The following XYLT1 variants were observed in gnomAD, a reference collection of about 807,000 sequenced individuals.
XYLT1 encodes xylosyltransferase 1.
In XYLT1, 36 loss-of-function variants were observed where a neutral mutation model predicts 91.3. The ratio of observed to expected loss-of-function variants is 0.39; its 90% CI spans 0.30 to 0.52. The LOEUF (loss-of-function observed/expected upper bound fraction) is 0.52, where lower values mean the gene tolerates loss of function less well. Ranked by LOEUF, XYLT1 falls within the 20% of genes least tolerant of loss-of-function variation. The pLI is 0.68. For missense variants in XYLT1, 1,242 were observed against 1,284.5 expected (o/e 0.97, Z 0.51); for synonymous variants, 588 against 532.0 (o/e 1.11, Z -1.45).
intron 1 of XYLT1, among the ~76,000 whole-genome samples, chr16:17,397,825 CTCT>C (rs1347926659): frequency 2.2e-5 from 3 of 136,628 alleles, no homozygotes; most frequent in Admixed American, 7.3e-5. Flanking sequence ...GTTTGAATAG[CTCT>C]TTTTTTTTTT....
intron 1 of XYLT1, among the ~76,000 whole-genome samples, chr16:17,436,471 A>C (rs1450124127): frequency 4.1e-4 from 63 of 152,186 alleles, no homozygotes; most frequent in Non-Finnish European, 1.0e-4. Flanking sequence ...GCTGGCACAT[A>C]GTAGGGGCGT....
chr16:17,195,425 C>G (rs1195635939), intron 5 of XYLT1, among the ~76,000 whole-genome samples: 1 of 151,150 alleles, frequency 6.6e-6, no homozygotes, highest in Non-Finnish European at 1.5e-5. Flanking sequence ...CCACATCTTC[C>G]TTTTTTTTTG....
chr16:17,463,825 T>C (rs192854615), intron 1 of XYLT1, among the ~76,000 whole-genome samples: 2 of 152,354 alleles, frequency 1.3e-5, no homozygotes, highest in South Asian at 2.1e-4. Context: ...AGCCAAGATA[T>C]GAAATCAAGT....
At chr16:17,411,739 G>A (rs2036112018) in intron 1 of XYLT1, among the ~76,000 whole-genome samples, 1 of 152,148 alleles carries the variant, frequency 6.6e-6, no homozygotes, top group Admixed American at 6.5e-5. Context: ...CACCTTCATC[G>A]TGGGAGAATG....
At chr16:17,280,418 T>C (rs898250370) in intron 2 of XYLT1, among the ~76,000 whole-genome samples, 1 of 152,240 alleles carries the variant, frequency 6.6e-6, no homozygotes, top group Non-Finnish European at 1.5e-5. Context: ...TTGTCTTATT[T>C]TCTGAAACAT....
Position 17,175,901 on chromosome 16 carries a change from C to T in XYLT1, c.1290-16992G>A, listed in dbSNP as rs551564838. Among the ~76,000 whole-genome samples, 13 of 152,262 alleles carry T rather than the reference C, an allele frequency of 8.5e-5. No individual in the cohort carries two copies. In the East Asian group the frequency reaches 2.3e-3, roughly 27 times the overall value. On this transcript the variant is annotated intron_variant, in intron 5 of 11. Transcript: ENST00000261381. ...TCCTTTTGAAATAAACTCTCCAGCT[C>T]TTTGGAATGTTTTCTGTTTTCATGG... is the stretch of plus-strand genomic sequence containing the variant.
intron 3 of XYLT1, among the ~76,000 whole-genome samples, chr16:17,233,767 A>C (rs1245366344): frequency 2.0e-5 from 3 of 152,200 alleles, no homozygotes; most frequent in Non-Finnish European, 4.4e-5. Flanking sequence ...ACTATCGTGG[A>C]GCTAAGTGAG....
intron 10 of XYLT1, among the ~76,000 whole-genome samples, chr16:17,124,963 G>C (rs2030207091): frequency 6.6e-6 from 1 of 152,040 alleles, no homozygotes; most frequent in Non-Finnish European, 1.5e-5. Flanking sequence ...TTCTATTTAG[G>C]CTATATTTCA....
intron 1 of XYLT1, among the ~76,000 whole-genome samples, chr16:17,435,732 C>A (rs1030909089): frequency 6.6e-6 from 1 of 152,180 alleles, no homozygotes; most frequent in African/African-American, 2.4e-5. Flanking sequence ...AGACCTGGTG[C>A]CCTCTCTCCA....
intron 3 of XYLT1, among the ~76,000 whole-genome samples, chr16:17,217,957 T>TAA (rs10712419): frequency 1.4e-5 from 2 of 145,028 alleles, no homozygotes; most frequent in African/African-American, 5.1e-5. Flanking sequence ...ATAATAATAA[T>TAA]AAAAAAAAAA....
intron 5 of XYLT1, among the ~76,000 whole-genome samples, chr16:17,161,673 G>GCTCTCTCTCT (rs1321773095): frequency 2.2e-5 from 2 of 90,978 alleles, no homozygotes; most frequent in Non-Finnish European, 2.7e-5. Flanking sequence ...CCAGTTTCTC[G>GCTCTCTCTCT]CGCGCTCTCT....
At chr16:17,123,317 C>T (rs965049731) in intron 10 of XYLT1, among the ~76,000 whole-genome samples, 2 of 152,142 alleles carry the variant, frequency 1.3e-5, no homozygotes, top group African/African-American at 2.4e-5. Flanking sequence ...TCTTGTTTCT[C>T]TAGCTCATTA....
intron 3 of XYLT1, among the ~76,000 whole-genome samples, chr16:17,232,989 C>A (rs939879366): frequency 6.6e-5 from 10 of 152,134 alleles, no homozygotes; most frequent in African/African-American, 1.9e-4. Flanking sequence ...AATGCCTCCA[C>A]CATATCACTC....
intron 1 of XYLT1, among the ~76,000 whole-genome samples, chr16:17,375,939 G>C (rs554017038): frequency 4.6e-5 from 7 of 152,238 alleles, no homozygotes; most frequent in Non-Finnish European, 1.0e-4. Context: ...GAAAAGGGAC[G>C]GTCATCACTG....
At chr16:17,265,594 G>C (rs1421154764) in intron 2 of XYLT1, among the ~76,000 whole-genome samples, 1 of 152,200 alleles carries the variant, frequency 6.6e-6, no homozygotes, top group Non-Finnish European at 1.5e-5. Context: ...TTATTCTGGA[G>C]AAATAATTAA....
At chr16:17,377,898 C>G (rs2035623496) in intron 1 of XYLT1, among the ~76,000 whole-genome samples, 1 of 152,136 alleles carries the variant, frequency 6.6e-6, no homozygotes, top group African/African-American at 2.4e-5. Flanking sequence ...CCTCAAAGAG[C>G]AGCAAAGAAC....
chr16:17,328,548 C>CAAAA (rs71373105), intron 2 of XYLT1, among the ~76,000 whole-genome samples: 1,047 of 50,908 alleles, frequency 0.021, 158 homozygotes, highest in East Asian at 0.028. Flanking sequence ...GACTCCTTCT[C>CAAAA]AAAAAAAAAA....
intron 1 of XYLT1, among the ~76,000 whole-genome samples, chr16:17,382,226 G>T (rs1472821930): frequency 6.6e-6 from 1 of 151,862 alleles, no homozygotes; most frequent in African/African-American, 2.4e-5. Context: ...TTCTGGGGTG[G>T]AAAGTATCAC....
At chr16:17,149,260 A>G (rs542000269) in intron 6 of XYLT1, among the ~76,000 whole-genome samples, 2 of 152,390 alleles carry the variant, frequency 1.3e-5, no homozygotes, top group South Asian at 4.1e-4. Context: ...CAAGTATGGA[A>G]TTATTCCAGA....
Sources: gnomAD v4.1 joint callset for allele counts (sites outside exome capture counted in the v4.1 genomes callset) on GRCh38, gnomAD v4.1.1 for gene constraint, MANE v1.5 for transcripts, NCBI Gene and HGNC (gene_info 2026-07-23, HGNC 2026-07-21) for gene names.